Variants in GRID2 observed in about 807,000 individuals in gnomAD.
GRID2 encodes the protein glutamate ionotropic receptor delta type subunit 2, also known as glutamate receptor ionotropic, delta-2.
A neutral mutation model predicts 114.8 loss-of-function variants in GRID2; 33 were observed. The observed-to-expected ratio is 0.29, with a 90% CI of 0.22 to 0.38. The LOEUF is 0.38. Ranked by LOEUF, GRID2 falls within the 10% of genes least tolerant of loss-of-function variation. The pLI, the probability that GRID2 is intolerant of heterozygous loss-of-function variation, is 1.00. For synonymous variants in GRID2, 505 were observed against 449.9 expected (o/e 1.12, Z -1.55); for missense variants, 1,184 against 1,257.7 (o/e 0.94, Z 0.89).
chr4:92,467,984 C>T (rs1254629838), intron 1 of GRID2, among the ~76,000 whole-genome samples: 1 of 151,802 alleles, frequency 6.6e-6, no homozygotes, highest in Non-Finnish European at 1.5e-5. Context: ...TACATGAAAA[C>T]TTGGGCCCAA....
At chr4:92,989,028 C>G (rs1754679062) in intron 2 of GRID2, among the ~76,000 whole-genome samples, 1 of 151,772 alleles carries the variant, frequency 6.6e-6, no homozygotes, top group Non-Finnish European at 1.5e-5. Context: ...GCCTGTAATC[C>G]CAGGCATGGG....
chr4:93,487,586 C>G (rs1438462388), intron 11 of GRID2, among the ~76,000 whole-genome samples: 1 of 151,878 alleles, frequency 6.6e-6, no homozygotes, highest in Non-Finnish European at 1.5e-5. Context: ...GTCCCACCCT[C>G]ATTTGGCAAG....
chr4:92,444,551 A>G (rs72633472), intron 1 of GRID2, among the ~76,000 whole-genome samples: 1 of 152,142 alleles, frequency 6.6e-6, no homozygotes, highest in Non-Finnish European at 1.5e-5. Context: ...GGGGCAGGGC[A>G]TATTCACTTC....
chr4:92,960,840 A>G (rs539791754), intron 2 of GRID2, among the ~76,000 whole-genome samples: 1 of 151,958 alleles, frequency 6.6e-6, no homozygotes, highest in Admixed American at 6.6e-5. Flanking sequence ...TCCGCATTTT[A>G]TGAATTTAAT....
At chr4:93,572,664 C>A (rs1252429678) in intron 13 of GRID2, among the ~76,000 whole-genome samples, 3 of 151,994 alleles carry the variant, frequency 2.0e-5, no homozygotes, top group African/African-American at 7.2e-5. Flanking sequence ...GATAGATAGA[C>A]TTATTGCAGC....
intron 2 of GRID2, among the ~76,000 whole-genome samples, chr4:92,818,771 A>T (rs1385962223): frequency 6.6e-6 from 1 of 152,068 alleles, no homozygotes; most frequent in African/African-American, 2.4e-5. Context: ...TTTATATCAG[A>T]CACATATGAA....
At position 92,326,014 on chromosome 4, in the gene GRID2, A is replaced by G. The variant is rs76933728; in HGVS notation, c.88+21270A>G. ...CCATGTTTATGTAAGATAATTCTAC[A>G]CATGAAAAGTATGCTTACATGAAAA... On this transcript the variant is annotated intron_variant, in intron 1 of 15. Transcript: ENST00000282020. Among the ~76,000 whole-genome samples the G allele has an allele frequency of 5.8e-3, 875 of 151,970 alleles. 2 individuals are homozygous for G. The highest frequency in any genetic ancestry group is 0.02 in the African/African-American group (846 of 41,530).
rs1339081094 is a variant in GRID2, at chr4:93,262,002, C to T, written c.1245+23512C>T. Among the ~76,000 whole-genome samples the T allele has an allele frequency of 5.3e-5, 8 of 151,494 alleles. No individual in the cohort carries two copies. The East Asian group carries it at 1.5e-3, about 29-fold the overall frequency. ...ATAGTTTACTGACCCCTGATCTTAT[C>T]CGTCCAGCTTCTGGCTTCTTCCACA... is the stretch of plus-strand genomic sequence containing the variant. On this transcript the variant is annotated intron_variant, in intron 8 of 15. Coordinates refer to ENST00000282020, the MANE Select transcript of GRID2 (RefSeq NM_001510.4).
At chr4:92,646,538 T>C (rs1276597824) in intron 2 of GRID2, among the ~76,000 whole-genome samples, 1 of 152,062 alleles carries the variant, frequency 6.6e-6, no homozygotes, top group East Asian at 1.9e-4. Context: ...AGAAATGCTA[T>C]AGTTTTAGCT....
At chr4:93,487,389 A>G (rs950027091) in intron 11 of GRID2, among the ~76,000 whole-genome samples, 2 of 151,764 alleles carry the variant, frequency 1.3e-5, no homozygotes, top group African/African-American at 4.8e-5. Context: ...TACTTTTCTT[A>G]TACATTGCAG....
chr4:93,776,052 A>G (rs1449231649), downstream of GRID2, among the ~76,000 whole-genome samples: 1 of 152,218 alleles, frequency 6.6e-6, no homozygotes, highest in Admixed American at 6.5e-5. Context: ...GGTGAAACAC[A>G]TTCTAGATTA....
rs975381561 is a variant in GRID2, at chr4:92,398,025, C to A, written c.88+93281C>A. On this transcript the variant is annotated intron_variant, in intron 1 of 15. Transcript: ENST00000282020. ...AATGCTCTATATTCCTTTTGGAGAACTTACCTTACAAATATGCTGGCACAC... is the reference window on the plus strand; with the variant it reads ...AATGCTCTATATTCCTTTTGGAGAAATTACCTTACAAATATGCTGGCACAC... Among the ~76,000 whole-genome samples the A allele has an allele frequency of 5.9e-5, 9 of 152,046 alleles. No homozygotes were observed. The South Asian group carries it at 1.7e-3, about 28-fold the overall frequency.
At chr4:92,928,340 T>A (rs947750460) in intron 2 of GRID2, among the ~76,000 whole-genome samples, 1 of 151,686 alleles carries the variant, frequency 6.6e-6, no homozygotes, top group Admixed American at 6.6e-5. Context: ...TTAGAAAGAT[T>A]TAAGTCATTT....
At chr4:93,069,113 G>T (rs985719130) in intron 2 of GRID2, among the ~76,000 whole-genome samples, 3 of 151,808 alleles carry the variant, frequency 2.0e-5, no homozygotes, top group African/African-American at 7.3e-5. Flanking sequence ...ACCCATTCAT[G>T]AGAAGCCACC....
intron 4 of GRID2, among the ~76,000 whole-genome samples, chr4:93,141,220 TTTAA>T (rs1334503743): frequency 6.6e-6 from 1 of 152,196 alleles, no homozygotes. Flanking sequence ...TTCCATTGTG[TTTAA>T]TTAATAGGTA....
intron 3 of GRID2, among the ~76,000 whole-genome samples, chr4:93,093,275 G>A (rs1052729093): frequency 6.6e-6 from 1 of 152,024 alleles, no homozygotes; most frequent in East Asian, 1.9e-4. Context: ...GCTAATAGCT[G>A]CTTTTCAAAA....
chr4:92,788,712 T>C (rs1739436654), intron 2 of GRID2, among the ~76,000 whole-genome samples: 1 of 151,878 alleles, frequency 6.6e-6, no homozygotes, highest in Non-Finnish European at 1.5e-5. Flanking sequence ...TTCATATGTT[T>C]ATTGGACATT....
chr4:92,781,333 T>C (rs1456434310), intron 2 of GRID2, among the ~76,000 whole-genome samples: 1 of 152,148 alleles, frequency 6.6e-6, no homozygotes, highest in African/African-American at 2.4e-5. Flanking sequence ...TAGGCTTTAA[T>C]TACTATGTAA....
chr4:92,806,121 A>G (rs1293014866), intron 2 of GRID2, among the ~76,000 whole-genome samples: 1 of 150,864 alleles, frequency 6.6e-6, no homozygotes, highest in South Asian at 2.1e-4. Flanking sequence ...GTTATATTGC[A>G]TCTTTGCTAT....
Sources: allele counts gnomAD v4.1 joint callset (sites outside exome capture counted in the v4.1 genomes callset), GRCh38; gene constraint gnomAD v4.1.1; transcripts MANE v1.5; gene names NCBI Gene and HGNC (gene_info 2026-07-23, HGNC 2026-07-21).